RPS6KC1: variants seen among roughly 807,000 people sequenced by gnomAD.
The protein encoded by RPS6KC1 is ribosomal protein S6 kinase C1.
In RPS6KC1, 54 loss-of-function variants were observed where a neutral mutation model predicts 103.8. The ratio of observed to expected loss-of-function variants is 0.52; its 90% CI spans 0.42 to 0.65. The LOEUF (loss-of-function observed/expected upper bound fraction) is 0.65. RPS6KC1 is among the 30% of genes least tolerant of loss of function. RPS6KC1 has a pLI of 0.00. For synonymous variants in RPS6KC1, 439 were observed against 438.7 expected (o/e 1.00, Z -0.01); for missense variants, 1,151 against 1,253.8 (o/e 0.92, Z 1.24).
intron 8 of RPS6KC1, among the ~76,000 whole-genome samples, chr1:213,186,144 T>C (rs1421513662): frequency 7.2e-5 from 11 of 151,948 alleles, no homozygotes; most frequent in Admixed American, 7.2e-4. Flanking sequence ...TTAACAGTAG[T>C]ATAGGATTCT....
At chr1:213,452,522 A>G in the RPS6KC1 span, among the ~76,000 whole-genome samples, 3 of 152,096 alleles carry the variant, frequency 2.0e-5, no homozygotes, top group Non-Finnish European at 2.9e-5. Flanking sequence ...TCTAGCACCT[A>G]GATAAAATGG....
Position 213,222,435 on chromosome 1 carries a change from C to G in RPS6KC1, c.1045-8062C>G, listed in dbSNP as rs2093857948. On this transcript the variant is annotated intron_variant, in intron 8 of 14. Coordinates refer to ENST00000366960, the MANE Select transcript of RPS6KC1 (RefSeq NM_012424.6). ...TATGAAACCAAGGACAGATTGGTTT[C>G]ATGGCATAACATGAGAGAAGCATCT... Among the ~76,000 whole-genome samples the G allele has an allele frequency of 3.3e-5, 5 of 152,246 alleles. No individual in the cohort carries two copies. The South Asian group carries it at 1.0e-3, about 32-fold the overall frequency.
At chr1:213,805,727 A>G in the RPS6KC1 span, among the ~76,000 whole-genome samples, 49 of 152,232 alleles carry the variant, frequency 3.2e-4, no homozygotes, top group Non-Finnish European at 1.3e-4. Context: ...CACAAATCAA[A>G]ATGTTCTTAA....
chr1:213,630,548 T>A, the RPS6KC1 span, among the ~76,000 whole-genome samples: 13 of 151,476 alleles, frequency 8.6e-5, no homozygotes, highest in African/African-American at 2.7e-4. Flanking sequence ...CTCGGAGTAG[T>A]TTGATCATCT....
chr1:213,142,526 A>G (rs981545553), intron 6 of RPS6KC1, among the ~76,000 whole-genome samples: 1 of 151,986 alleles, frequency 6.6e-6, no homozygotes, highest in Non-Finnish European at 1.5e-5. Flanking sequence ...GAGTATAGTC[A>G]ATTGGCTTTA....
chr1:213,363,755 CTCTCTTCT>C, the RPS6KC1 span, among the ~76,000 whole-genome samples: 5 of 80,990 alleles, frequency 6.2e-5, 2 homozygotes, highest in African/African-American at 2.6e-4. Context: ...CTTTCTCTTT[CTCTCTTCT>C]TTCTTTCTTT....
chr1:213,372,303 C>T, the RPS6KC1 span, among the ~76,000 whole-genome samples: 3 of 152,206 alleles, frequency 2.0e-5, no homozygotes, highest in African/African-American at 4.8e-5. Context: ...AGCTCAGCTT[C>T]TGGGCAAATG....
the RPS6KC1 span, among the ~76,000 whole-genome samples, chr1:213,380,927 A>G: frequency 6.6e-6 from 1 of 152,142 alleles, no homozygotes; most frequent in Admixed American, 6.5e-5. Flanking sequence ...GTGGGGTCTT[A>G]GGGAACACCA....
At chr1:213,651,169 T>C in the RPS6KC1 span, among the ~76,000 whole-genome samples, 1 of 152,122 alleles carries the variant, frequency 6.6e-6, no homozygotes, top group Non-Finnish European at 1.5e-5. Flanking sequence ...CTACCTCTTA[T>C]TGCAAGGCTG....
chr1:213,583,994 C>T, the RPS6KC1 span, among the ~76,000 whole-genome samples: 1 of 152,056 alleles, frequency 6.6e-6, no homozygotes, highest in Non-Finnish European at 1.5e-5. Context: ...AATTTTAGCC[C>T]CCATAATTCC....
intron 13 of RPS6KC1, among the ~76,000 whole-genome samples, chr1:213,261,968 A>G (rs889543177): frequency 1.3e-5 from 2 of 152,204 alleles, no homozygotes; most frequent in Non-Finnish European, 2.9e-5. Context: ...ATGTATTAAA[A>G]TTCTCTGGAT....
At chr1:213,825,257 A>T in the RPS6KC1 span, among the ~76,000 whole-genome samples, 9 of 152,158 alleles carry the variant, frequency 5.9e-5, no homozygotes, top group African/African-American at 9.7e-5. Context: ...GCTAGACAGG[A>T]CTCACTTTCC....
chr1:213,338,843 G>A, the RPS6KC1 span, among the ~76,000 whole-genome samples: 1 of 151,800 alleles, frequency 6.6e-6, no homozygotes, highest in Non-Finnish European at 1.5e-5. Flanking sequence ...GGGCTCAAGG[G>A]ATCCTCTTGT....
At chr1:213,519,637 C>T in the RPS6KC1 span, among the ~76,000 whole-genome samples, 25 of 152,266 alleles carry the variant, frequency 1.6e-4, no homozygotes, top group African/African-American at 6.0e-4. Context: ...CTAGAGACCA[C>T]CCCTCCCCAC....
the RPS6KC1 span, among the ~76,000 whole-genome samples, chr1:213,684,637 A>C: frequency 2.0e-5 from 3 of 152,218 alleles, no homozygotes; most frequent in Non-Finnish European, 2.9e-5. Context: ...TTGTGAGTGA[A>C]AACATAATCA....
the RPS6KC1 span, among the ~76,000 whole-genome samples, chr1:213,723,137 G>A: frequency 2.0e-5 from 3 of 152,140 alleles, no homozygotes; most frequent in Non-Finnish European, 2.9e-5. Flanking sequence ...CCGAGATCCC[G>A]CCATTGCACT....
chr1:213,492,889 T>G, the RPS6KC1 span, among the ~76,000 whole-genome samples: 1 of 152,234 alleles, frequency 6.6e-6, no homozygotes, highest in Non-Finnish European at 1.5e-5. Context: ...CCGCTGACCA[T>G]GTGGCAGTTG....
At chr1:213,660,204 T>C in the RPS6KC1 span, among the ~76,000 whole-genome samples, 2 of 152,224 alleles carry the variant, frequency 1.3e-5, no homozygotes, top group African/African-American at 4.8e-5. Context: ...GGGACATGTT[T>C]AGATAATTCT....
chr1:213,166,240 T>C (rs1436140653), intron 6 of RPS6KC1, among the ~76,000 whole-genome samples: 2 of 152,160 alleles, frequency 1.3e-5, no homozygotes, highest in East Asian at 3.8e-4. Context: ...TCAAAAATCT[T>C]AAATGGGGAT....
Sources: allele counts gnomAD v4.1 joint callset (sites outside exome capture counted in the v4.1 genomes callset), GRCh38; gene constraint gnomAD v4.1.1; transcripts MANE v1.5; gene names NCBI Gene and HGNC (gene_info 2026-07-23, HGNC 2026-07-21).